RIMS1: variants seen among roughly 807,000 people sequenced by gnomAD.
RIMS1 encodes the protein regulating synaptic membrane exocytosis 1, also known as regulating synaptic membrane exocytosis protein 1.
A neutral mutation model predicts 214.1 loss-of-function variants in RIMS1; 83 were observed. That is an observed-to-expected ratio of 0.39 (90% CI 0.32 to 0.47). The LOEUF (loss-of-function observed/expected upper bound fraction) is 0.47, where lower values mean the gene tolerates loss of function less well. Among genes scored for constraint, RIMS1 ranks in the 20% least tolerant of loss-of-function variants. RIMS1 has a pLI of 0.99. For missense variants in RIMS1, 2,050 were observed against 2,161.8 expected (o/e 0.95, Z 1.03); for synonymous variants, 793 against 786.8 (o/e 1.01, Z -0.13).
At chr6:72,290,105 T>C (rs1033882959) in intron 24 of RIMS1, among the ~76,000 whole-genome samples, 2 of 152,174 alleles carry the variant, frequency 1.3e-5, no homozygotes, top group Non-Finnish European at 2.9e-5. Flanking sequence ...TAATGGAGCA[T>C]TCTCCACCTT....
At chr6:72,138,236 T>C (rs2041623186) in intron 4 of RIMS1, among the ~76,000 whole-genome samples, 1 of 152,202 alleles carries the variant, frequency 6.6e-6, no homozygotes, top group South Asian at 2.1e-4. Flanking sequence ...TTAATTGATA[T>C]ATACAAATGA....
At chr6:72,342,747 T>C (rs2097138019) in intron 29 of RIMS1, among the ~76,000 whole-genome samples, 1 of 151,622 alleles carries the variant, frequency 6.6e-6, no homozygotes, top group African/African-American at 2.4e-5. Context: ...TGAAAGATGA[T>C]ACGAATAATT....
chr6:72,096,628 C>T (rs2031818592), intron 2 of RIMS1, among the ~76,000 whole-genome samples: 1 of 152,102 alleles, frequency 6.6e-6, no homozygotes, highest in African/African-American at 2.4e-5. Flanking sequence ...GTGTTGAGCT[C>T]TCAGTTGAAA....
At chr6:72,103,608 A>G (rs188389514) in intron 4 of RIMS1, among the ~76,000 whole-genome samples, 2 of 152,256 alleles carry the variant, frequency 1.3e-5, no homozygotes, top group African/African-American at 4.8e-5. Context: ...CCAAAAAGTT[A>G]AGGACTATGG....
chr6:72,007,427 C>T (rs1808218036), intron 2 of RIMS1, among the ~76,000 whole-genome samples: 1 of 152,200 alleles, frequency 6.6e-6, no homozygotes, highest in African/African-American at 2.4e-5. Context: ...CTCTCCTCCT[C>T]CAAAGGAATG....
At chr6:72,026,811 T>C (rs1023704904) in intron 2 of RIMS1, among the ~76,000 whole-genome samples, 4 of 152,182 alleles carry the variant, frequency 2.6e-5, no homozygotes, top group Non-Finnish European at 5.9e-5. Context: ...TATAAGTTCA[T>C]TTCATATCTC....
chr6:72,365,778 T>C (rs1325712554), intron 29 of RIMS1: 1 of 152,260 alleles, frequency 6.6e-6, no homozygotes, highest in African/African-American at 2.4e-5. Flanking sequence ...AGTGCCATTA[T>C]GGAGGTGAGG....
At chr6:72,267,659 G>C (rs74372060) in intron 22 of RIMS1, among the ~76,000 whole-genome samples, 257 of 152,232 alleles carry the variant, frequency 1.7e-3, no homozygotes, top group Middle Eastern at 6.8e-3. Context: ...GCTTCATGTG[G>C]TTTGTGGCTC....
intron 2 of RIMS1, among the ~76,000 whole-genome samples, chr6:72,058,824 A>G (rs1052645274): frequency 3.9e-5 from 6 of 152,222 alleles, no homozygotes; most frequent in African/African-American, 1.2e-4. Context: ...TTTGCTTCAC[A>G]TAATTCACAG....
intron 11 of RIMS1, among the ~76,000 whole-genome samples, chr6:72,247,477 G>C (rs1045214351): frequency 6.0e-5 from 9 of 149,860 alleles, no homozygotes; most frequent in African/African-American, 2.0e-4. Context: ...GGAGGTTGCG[G>C]TGAGCCAAGA....
chr6:72,028,378 CT>C (rs1817141831), intron 2 of RIMS1, among the ~76,000 whole-genome samples: 1 of 151,974 alleles, frequency 6.6e-6, no homozygotes, highest in African/African-American at 2.4e-5. Context: ...GTAGATATTT[CT>C]TGTAAATATT....
intron 4 of RIMS1, among the ~76,000 whole-genome samples, chr6:72,151,264 G>C (rs1275317152): frequency 6.6e-6 from 1 of 151,952 alleles, no homozygotes; most frequent in Non-Finnish European, 1.5e-5. Context: ...GGATGGTCTC[G>C]ATCTCCTGAC....
chr6:72,258,753 C>T (rs185166724), intron 17 of RIMS1, among the ~76,000 whole-genome samples: 42 of 151,962 alleles, frequency 2.8e-4, no homozygotes, highest in Middle Eastern at 3.4e-3. Flanking sequence ...TTAATTATGC[C>T]GATAAAAATT....
intron 4 of RIMS1, among the ~76,000 whole-genome samples, chr6:72,160,842 C>G (rs1048312986): frequency 2.1e-5 from 3 of 139,952 alleles, no homozygotes; most frequent in African/African-American, 7.4e-5. Context: ...GTCTGAAATT[C>G]TCTTTTTTTG....
intron 2 of RIMS1, among the ~76,000 whole-genome samples, chr6:72,041,150 A>G (rs1821329813): frequency 6.6e-6 from 1 of 151,928 alleles, no homozygotes; most frequent in Non-Finnish European, 1.5e-5. Context: ...GCACATAATT[A>G]TTCAATTTTG....
intron 26 of RIMS1, among the ~76,000 whole-genome samples, chr6:72,294,980 A>T (rs1313827982): frequency 6.6e-6 from 1 of 151,742 alleles, no homozygotes; most frequent in East Asian, 1.9e-4. Context: ...ATATTTCAAC[A>T]CAATATCCCA....
intron 23 of RIMS1, 70 bp from the exon 24 acceptor site, chr6:72,283,977 G>A (rs2091362401): frequency 8.0e-7 from 1 of 1,250,682 alleles, no homozygotes; most frequent in African/African-American, 1.5e-5. Flanking sequence ...TGTCTATTGT[G>A]TTTATCATTG....
intron 28 of RIMS1, among the ~76,000 whole-genome samples, chr6:72,326,760 G>T (rs1400294750): frequency 1.3e-5 from 2 of 151,682 alleles, no homozygotes; most frequent in Non-Finnish European, 2.9e-5. Flanking sequence ...GGGGAATTGG[G>T]GTGTCAGATG....
At chr6:72,209,833 G>A (rs376342218) in intron 6 of RIMS1, among the ~76,000 whole-genome samples, 4 of 150,864 alleles carry the variant, frequency 2.7e-5, no homozygotes, top group African/African-American at 9.7e-5. Flanking sequence ...CCCGGGAGGC[G>A]GAGCTTGCGG....
Sources: gnomAD v4.1 joint callset for allele counts (sites outside exome capture counted in the v4.1 genomes callset) on GRCh38, gnomAD v4.1.1 for gene constraint, MANE v1.5 for transcripts, NCBI Gene and HGNC (gene_info 2026-07-23, HGNC 2026-07-21) for gene names.